The following SLC35F4 variants were observed in gnomAD, a reference collection of about 807,000 sequenced individuals.
SLC35F4 encodes the protein chromosome 14 open reading frame 36.
In SLC35F4, 24 loss-of-function variants were observed where a neutral mutation model predicts 44.2. That is an observed-to-expected ratio of 0.54 (90% CI 0.39 to 0.76). The LOEUF (loss-of-function observed/expected upper bound fraction) is 0.76. Among genes scored for constraint, SLC35F4 ranks in the 30% least tolerant of loss-of-function variants. The pLI, the probability that SLC35F4 is intolerant of heterozygous loss-of-function variation, is 0.00. For missense variants in SLC35F4, 562 were observed against 586.1 expected (o/e 0.96, Z 0.42); for synonymous variants, 238 against 223.6 (o/e 1.06, Z -0.57).
chr14:57,806,463 A>T (rs914445560), intron 1 of SLC35F4, among the ~76,000 whole-genome samples: 17 of 152,316 alleles, frequency 1.1e-4, no homozygotes, highest in African/African-American at 4.1e-4. Flanking sequence ...CCAAATTTTA[A>T]TTATTTTCAG....
chr14:57,912,160 T>C (rs1889228065), intron 1 of SLC35F4, among the ~76,000 whole-genome samples: 1 of 151,962 alleles, frequency 6.6e-6, no homozygotes, highest in South Asian at 2.1e-4. Flanking sequence ...TCTTTTTTCT[T>C]AGCCTGGCTA....
intron 1 of SLC35F4, among the ~76,000 whole-genome samples, chr14:57,943,555 A>G (rs541842624): frequency 6.6e-6 from 1 of 152,306 alleles, no homozygotes; most frequent in African/African-American, 2.4e-5. Flanking sequence ...TACAACGCAC[A>G]CGCCAGTGAG....
intron 1 of SLC35F4, among the ~76,000 whole-genome samples, chr14:57,640,676 A>T (rs1194356983): frequency 6.6e-6 from 1 of 152,058 alleles, no homozygotes; most frequent in African/African-American, 2.4e-5. Context: ...GAGGTTATAC[A>T]GCAAGTATAG....
In SLC35F4 at chr14:57,966,816, C is replaced by T. The variant is rs145923923; in HGVS notation, n.282+15097G>A. ...CCTGAAGTCAGGAGCTCGAGACCAG[C>T]CTGGCCAACATGGCGAAACCCCGTC... On this transcript the variant is annotated intron_variant and non_coding_transcript_variant, in intron 1 of 1. Coordinates refer to the SLC35F4 transcript ENST00000556568. Among the ~76,000 whole-genome samples the T allele has an allele frequency of 3.2e-4, 48 of 152,192 alleles. No individual in the cohort carries two copies. The East Asian group carries it at 7.9e-3, about 25-fold the overall frequency.
chr14:57,966,025 C>A (rs1329464638), intron 1 of SLC35F4, among the ~76,000 whole-genome samples: 1 of 152,152 alleles, frequency 6.6e-6, no homozygotes, highest in Admixed American at 6.5e-5. Context: ...CAATGTGTGG[C>A]CCACAATTCA....
At chr14:57,846,991 G>C (rs1886087994) in intron 1 of SLC35F4, among the ~76,000 whole-genome samples, 1 of 152,214 alleles carries the variant, frequency 6.6e-6, no homozygotes, top group Admixed American at 6.5e-5. Flanking sequence ...GCCATGAACT[G>C]TTACCAGACC....
At chr14:57,705,971 A>G (rs1036538472) in intron 1 of SLC35F4, among the ~76,000 whole-genome samples, 1 of 152,114 alleles carries the variant, frequency 6.6e-6, no homozygotes, top group Non-Finnish European at 1.5e-5. Context: ...GCTCCACTCA[A>G]TCCTGTGTTT....
exon 2 of SLC35F4, chr14:57,976,831 T>C (rs753723187): frequency 2.0e-5 from 3 of 152,222 alleles, no homozygotes; most frequent in Non-Finnish European, 4.4e-5. Context: ...AGGAAAGCAG[T>C]ATGCATTCAT....
At chr14:57,787,362 T>A (rs2077791981) in intron 1 of SLC35F4, among the ~76,000 whole-genome samples, 1 of 152,082 alleles carries the variant, frequency 6.6e-6, no homozygotes, top group African/African-American at 2.4e-5. Flanking sequence ...GAGGAAAACA[T>A]CCCCAGCCTT....
chr14:57,978,969 A>G (rs1398822020), intron 1 of SLC35F4, among the ~76,000 whole-genome samples: 1 of 152,224 alleles, frequency 6.6e-6, no homozygotes, highest in African/African-American at 2.4e-5. Flanking sequence ...TGGGAGCATG[A>G]AGGAGTATGT....
At chr14:57,659,887 A>G (rs1461671630) in intron 1 of SLC35F4, among the ~76,000 whole-genome samples, 3 of 152,316 alleles carry the variant, frequency 2.0e-5, no homozygotes, top group East Asian at 3.9e-4. Context: ...GATCTGGTGT[A>G]AAAATTAAAA....
intron 1 of SLC35F4, among the ~76,000 whole-genome samples, chr14:57,790,717 C>T (rs2077896452): frequency 6.6e-6 from 1 of 152,170 alleles, no homozygotes; most frequent in East Asian, 1.9e-4. Flanking sequence ...AGGCATCACA[C>T]TACCTGACTT....
chr14:57,566,030 A>G (rs1414986129), intron 7 of SLC35F4, among the ~76,000 whole-genome samples: 1 of 152,170 alleles, frequency 6.6e-6, no homozygotes, highest in Non-Finnish European at 1.5e-5. Context: ...TATCTATTCC[A>G]GAGGGCCATC....
At chr14:57,782,214 T>C (rs1259372860) in intron 1 of SLC35F4, among the ~76,000 whole-genome samples, 1 of 152,190 alleles carries the variant, frequency 6.6e-6, no homozygotes, top group African/African-American at 2.4e-5. Flanking sequence ...ATGAGTCAGT[T>C]ACATTTACCC....
intron 1 of SLC35F4, among the ~76,000 whole-genome samples, chr14:57,710,026 G>C (rs1008732353): frequency 6.6e-6 from 1 of 152,188 alleles, no homozygotes; most frequent in Non-Finnish European, 1.5e-5. Flanking sequence ...CAAGACAATG[G>C]GGAAAATGTC....
chr14:57,820,500 C>T (rs1014319746), intron 1 of SLC35F4, among the ~76,000 whole-genome samples: 2 of 152,172 alleles, frequency 1.3e-5, no homozygotes, highest in South Asian at 2.1e-4. Context: ...CATTTCTCAC[C>T]AATGATCAGA....
chr14:57,686,056 T>C (rs1295003896), intron 1 of SLC35F4, among the ~76,000 whole-genome samples: 1 of 152,190 alleles, frequency 6.6e-6, no homozygotes, highest in African/African-American at 2.4e-5. Flanking sequence ...TTTGTGGTTA[T>C]GTCTTGGTTC....
At chr14:57,695,012 G>C (rs796466241) in intron 1 of SLC35F4, among the ~76,000 whole-genome samples, 1 of 151,860 alleles carries the variant, frequency 6.6e-6, no homozygotes, top group South Asian at 2.1e-4. Flanking sequence ...GTTATACAAA[G>C]ATTAATTCAA....
intron 1 of SLC35F4, among the ~76,000 whole-genome samples, chr14:57,907,075 T>C (rs548833992): frequency 5.3e-5 from 8 of 152,346 alleles, no homozygotes; most frequent in African/African-American, 1.9e-4. Context: ...TGGAATAATT[T>C]GCAAGATTTA....
Sources: allele counts gnomAD v4.1 joint callset (sites outside exome capture counted in the v4.1 genomes callset), GRCh38; gene constraint gnomAD v4.1.1; transcripts MANE v1.5; gene names NCBI Gene and HGNC (gene_info 2026-07-23, HGNC 2026-07-21).